Variants in FAM193A observed in about 807,000 individuals in gnomAD.
FAM193A encodes the protein family with sequence similarity 193 member A, also known as protein FAM193A.
In FAM193A, 22 loss-of-function variants were observed where a neutral mutation model predicts 126.5. The ratio of observed to expected loss-of-function variants is 0.17; its 90% CI spans 0.12 to 0.25. The LOEUF (loss-of-function observed/expected upper bound fraction) is 0.25. FAM193A is among the 10% of genes least tolerant of loss of function. The pLI is 1.00. For missense variants in FAM193A, 1,675 were observed against 1,672.8 expected (o/e 1.00, Z -0.02); for synonymous variants, 761 against 646.8 (o/e 1.18, Z -2.68).
At chr4:2,549,075 T>A (rs1737747428) in intron 1 of FAM193A, among the ~76,000 whole-genome samples, 1 of 4,326 alleles carries the variant, frequency 2.3e-4, no homozygotes, top group African/African-American at 2.5e-4. Context: ...GTAGCTGGAA[T>A]TAACAGGCGT....
intron 19 of FAM193A, among the ~76,000 whole-genome samples, chr4:2,702,413 ATT>A (rs1717834681): frequency 2.0e-5 from 3 of 152,134 alleles, no homozygotes; most frequent in Admixed American, 6.5e-5. Context: ...TGAACCAGCC[ATT>A]TCTCCAAGGA....
intron 5 of FAM193A, 75 bp downstream of exon 5, chr4:2,631,244 C>A (rs1035700620): frequency 1.4e-6 from 2 of 1,407,674 alleles, no homozygotes; most frequent in African/African-American, 1.4e-5. Flanking sequence ...AAGCTTCTCA[C>A]GCATGTGTGC....
chr4:2,626,994 G>C (rs1275888342), intron 4 of FAM193A, among the ~76,000 whole-genome samples: 1 of 152,042 alleles, frequency 6.6e-6, no homozygotes, highest in East Asian at 1.9e-4. Flanking sequence ...TGGGTAGCTT[G>C]TGTATGTGCC....
intron 1 of FAM193A, among the ~76,000 whole-genome samples, chr4:2,580,432 A>G (rs1042217960): frequency 6.6e-6 from 1 of 152,188 alleles, no homozygotes; most frequent in African/African-American, 2.4e-5. Context: ...AACGCCTGTG[A>G]CACATGTTTA....
At chr4:2,725,330 TC>T (rs1720609460) in intron 20 of FAM193A, among the ~76,000 whole-genome samples, 1 of 151,644 alleles carries the variant, frequency 6.6e-6, no homozygotes, top group Admixed American at 6.6e-5. Flanking sequence ...CTGTAGTAGT[TC>T]CAGCTACCTG....
chr4:2,613,459 CTTT>C (rs1330182508), intron 2 of FAM193A, among the ~76,000 whole-genome samples: 3 of 101,642 alleles, frequency 3.0e-5, no homozygotes, highest in South Asian at 6.4e-4. Context: ...TGGTAGGTTT[CTTT>C]TTTTTTTTTT....
At chr4:2,554,273 C>T (rs957318661) in intron 1 of FAM193A, among the ~76,000 whole-genome samples, 6 of 151,724 alleles carry the variant, frequency 4.0e-5, no homozygotes, top group East Asian at 1.9e-4. Context: ...TTAGTAGAGA[C>T]GGGATTTCAC....
rs772041994 is a variant in FAM193A, at chr4:2,631,142, C to G, written c.1011C>G (p.Arg337=). 1.1e-5 allele frequency: 18 copies of G among 1,612,542 alleles called. No homozygotes were observed. Among genetic ancestry groups the G allele is most frequent in the Middle Eastern group, 1.6e-4 (1 of 6,080 alleles). The change falls in exon 5 of 21, where the codon CGC becomes CGG. Residue 337 remains arginine, a synonymous_variant. Coordinates refer to ENST00000637812, the MANE Select transcript of FAM193A (RefSeq NM_001366318.2). ...EEYGALCQAA[R]SISTFLGTLE... ...ACGGCGCCCTCTGCCAGGCCGCACG[C>G]TCCATCAGCACCTTCCTTGGCACTC...
At chr4:2,724,086 T>C (rs1309125331) in intron 20 of FAM193A, among the ~76,000 whole-genome samples, 1 of 152,190 alleles carries the variant, frequency 6.6e-6, no homozygotes, top group Non-Finnish European at 1.5e-5. Flanking sequence ...TTATTATCTC[T>C]TATTAATACT....
At chr4:2,566,289 T>C (rs1056784017) in intron 1 of FAM193A, among the ~76,000 whole-genome samples, 39 of 152,302 alleles carry the variant, frequency 2.6e-4, no homozygotes, top group South Asian at 6.2e-4. Flanking sequence ...CCTCGTGATC[T>C]GCCCACCTTG....
At chr4:2,644,311 A>G (rs983844111) in intron 6 of FAM193A, among the ~76,000 whole-genome samples, 1 of 152,198 alleles carries the variant, frequency 6.6e-6, no homozygotes, top group Non-Finnish European at 1.5e-5. Context: ...GGAGCGGGAC[A>G]AGGAACACAT....
chr4:2,706,696 T>C (rs1354106778), intron 19 of FAM193A, among the ~76,000 whole-genome samples: 1 of 151,228 alleles, frequency 6.6e-6, no homozygotes, highest in Admixed American at 6.7e-5. Context: ...AGTTAGTTAT[T>C]TTTAGAGGCT....
At position 2,626,582 on chromosome 4, in the gene FAM193A, A is replaced by G; in HGVS notation, c.803+5A>G. On this transcript the variant is annotated splice_donor_5th_base_variant and intron_variant, in intron 4 of 20. Coordinates refer to ENST00000637812, the MANE Select transcript of FAM193A (RefSeq NM_001366318.2). ...AGTGAAGGAGCTCGTGGATAGGTAC[A>G]TACTGCCCTTTCCTGTTGTGGCCCC... 1 of 690,362 alleles carries G rather than the reference A, an allele frequency of 1.4e-6. No homozygotes were observed. The highest frequency in any genetic ancestry group is 1.5e-5 in the South Asian group (1 of 67,306). The allele number at this position is 690,362 out of a possible 1,614,324, so 42.8% of individuals were successfully genotyped here. A position where few individuals can be genotyped will look rare whatever the true frequency, so the allele number is the denominator to read the frequency against.
intron 2 of FAM193A, among the ~76,000 whole-genome samples, chr4:2,624,117 AGTT>A (rs971430920): frequency 3.3e-5 from 5 of 151,292 alleles, no homozygotes; most frequent in African/African-American, 1.2e-4. Flanking sequence ...TGTGTTCTCT[AGTT>A]GTTGTTGGTG....
chr4:2,602,959 C>CTTTTTTTTTTTTTTTTTTTTT lies in FAM193A; in HGVS notation c.501+6637_501+6657dup, dbSNP rs71178487. 4.7e-5 allele frequency among the ~76,000 whole-genome samples: 2 copies of CTTTTTTTTTTTTTTTTTTTTT among 42,306 alleles called. 1 individual carries two copies. Among genetic ancestry groups the CTTTTTTTTTTTTTTTTTTTTT allele is most frequent in the African/African-American group, 2.3e-4 (2 of 8,684 alleles). 27.8% of individuals were successfully genotyped at this position (42,306 alleles called of 152,430 possible). On this transcript the variant is annotated intron_variant, in intron 2 of 20. Coordinates refer to ENST00000637812, the MANE Select transcript of FAM193A (RefSeq NM_001366318.2). Reference sequence around the variant, plus strand: ...ACAAGTGTGAGCCACTGCACCCGGCCTTTTTTTTTTTTTTTTTTTTTTTTT... The same window carrying CTTTTTTTTTTTTTTTTTTTTT: ...ACAAGTGTGAGCCACTGCACCCGGCCTTTTTTTTTTTTTTTTTTTTTTTTTTTTTTTTTTTTTTTTTTTTTT...
chr4:2,695,335 C>G (rs546231385), intron 17 of FAM193A, among the ~76,000 whole-genome samples: 1 of 152,200 alleles, frequency 6.6e-6, no homozygotes, highest in South Asian at 2.1e-4. Context: ...TTTAAGGTAA[C>G]TGGTAAATCA....
rs368106819 is a variant in FAM193A, at chr4:2,690,876, G to A, written c.2709G>A (p.Thr903=). ...FMEANKVVMA[T]SSATSSVSCT... is the part of the protein sequence containing the mutation. Reference sequence around the variant, plus strand: ...AAGCAAATAAAGTTGTCATGGCCACGTCATCAGCCACGTCCTCTGTGTCCT... The same window carrying A: ...AAGCAAATAAAGTTGTCATGGCCACATCATCAGCCACGTCCTCTGTGTCCT... Residue 903 remains threonine, a synonymous_variant, in exon 15 of 21, where the codon ACG becomes ACA. Coordinates refer to ENST00000637812, the MANE Select transcript of FAM193A (RefSeq NM_001366318.2). The A allele has an allele frequency of 1.4e-5, 23 of 1,613,988 alleles. No homozygotes were observed. Among genetic ancestry groups the A allele is most frequent in the South Asian group, 3.3e-5 (3 of 91,080 alleles).
intron 1 of FAM193A, among the ~76,000 whole-genome samples, chr4:2,552,327 T>A (rs1434959226): frequency 6.6e-6 from 1 of 151,508 alleles, no homozygotes; most frequent in African/African-American, 2.4e-5. Context: ...TTTTTGGTAT[T>A]TTTTGTAGAG....
chr4:2,661,204 A>G (rs1235701106), intron 10 of FAM193A, among the ~76,000 whole-genome samples: 1 of 152,208 alleles, frequency 6.6e-6, no homozygotes, highest in Non-Finnish European at 1.5e-5. Flanking sequence ...GGTTCTCGGG[A>G]CATCTGGGCC....
Sources: gnomAD v4.1 joint callset for allele counts (sites outside exome capture counted in the v4.1 genomes callset) on GRCh38, gnomAD v4.1.1 for gene constraint, MANE v1.5 for transcripts, NCBI Gene and HGNC (gene_info 2026-07-23, HGNC 2026-07-21) for gene names.